LMOD3: variants seen among roughly 807,000 people sequenced by gnomAD.
LMOD3 encodes the protein leiomodin 3.
LMOD3 carries 31 observed loss-of-function variants against 41.8 expected under a neutral mutation model. The ratio of observed to expected loss-of-function variants is 0.74; its 90% CI spans 0.56 to 1.00. LMOD3 has a LOEUF of 1.00. Among genes scored for constraint, LMOD3 ranks in the 50% least tolerant of loss-of-function variants. LMOD3 has a pLI of 0.00. For synonymous variants in LMOD3, 292 were observed against 241.9 expected (o/e 1.21, Z -1.92); for missense variants, 755 against 679.5 (o/e 1.11, Z -1.23).
intron 1 of LMOD3, 97 bp from the exon 2 acceptor site, chr3:69,120,157 G>C (rs942044213): frequency 7.5e-7 from 1 of 1,338,648 alleles, no homozygotes; most frequent in Admixed American, 3.0e-5. Flanking sequence ...TTATTTAAAA[G>C]AGCTGGTTGC....
intron 2 of LMOD3, among the ~76,000 whole-genome samples, chr3:69,114,659 C>A (rs960658741): frequency 6.6e-6 from 1 of 152,000 alleles, no homozygotes; most frequent in Non-Finnish European, 1.5e-5. Flanking sequence ...AGGCGAGCAC[C>A]ACCACACCCG....
In LMOD3 at chr3:69,119,312, T is replaced by C. The variant is rs1016749519; in HGVS notation, c.1043A>G (p.Gln348Arg). Residue 348 changes from glutamine (Q) to arginine (R), a missense_variant, in exon 2 of 3, where the codon CAG becomes CGG. Coordinates refer to ENST00000420581, the MANE Select transcript of LMOD3 (RefSeq NM_198271.5). ...AGCATGGTGACCCAACATGTGCCTC[T>C]GATTGTGAAACCGAAGCTCAGTTAG... ...ETLTELRFHN[Q>R]RHMLGHHAEM... is the part of the protein sequence containing the mutation. The C allele has an allele frequency of 6.2e-7, 1 of 1,613,986 alleles. No homozygotes were observed. Among genetic ancestry groups the C allele is most frequent in the Non-Finnish European group, 8.5e-7 (1 of 1,179,888 alleles).
At position 69,121,214 on chromosome 3, in the gene LMOD3, T is replaced by C. The variant is rs77137852; in HGVS notation, c.294+879A>G. ...TCTCCAGTTGTAAAAAATCTGCAAATTGTACCTTGAACTCTAACCTGATCA... is the reference window on the plus strand; with the variant it reads ...TCTCCAGTTGTAAAAAATCTGCAAACTGTACCTTGAACTCTAACCTGATCA... On this transcript the variant is annotated intron_variant, in intron 1 of 2. Coordinates refer to ENST00000420581, the MANE Select transcript of LMOD3 (RefSeq NM_198271.5). Among the ~76,000 whole-genome samples the C allele has an allele frequency of 7.7e-4, 118 of 152,324 alleles. No homozygotes were observed. In the East Asian group the frequency reaches 0.019, roughly 25 times the overall value.
At chr3:69,117,379 A>C (rs2092379566) in intron 2 of LMOD3, among the ~76,000 whole-genome samples, 1 of 152,258 alleles carries the variant, frequency 6.6e-6, no homozygotes, top group East Asian at 1.9e-4. Context: ...AGCATGCATA[A>C]AAATTCAACA....
chr3:69,116,590 C>A (rs2092374509), intron 2 of LMOD3, among the ~76,000 whole-genome samples: 1 of 152,072 alleles, frequency 6.6e-6, no homozygotes, highest in African/African-American at 2.4e-5. Flanking sequence ...CAATTATCAT[C>A]ATGAATTTAT....
intron 1 of LMOD3, among the ~76,000 whole-genome samples, chr3:69,120,332 C>T (rs1424895970): frequency 1.3e-5 from 2 of 152,004 alleles, no homozygotes; most frequent in Non-Finnish European, 2.9e-5. Flanking sequence ...TTGAAAACCT[C>T]ATAGAATTGT....
intron 2 of LMOD3, among the ~76,000 whole-genome samples, chr3:69,111,909 C>A (rs1282302322): frequency 6.6e-6 from 1 of 152,186 alleles, no homozygotes; most frequent in Non-Finnish European, 1.5e-5. Context: ...AATGAAATAG[C>A]CTTCTTGCTT....
At chr3:69,117,784 C>T (rs2092382424) in intron 2 of LMOD3, among the ~76,000 whole-genome samples, 1 of 151,154 alleles carries the variant, frequency 6.6e-6, no homozygotes, top group South Asian at 2.1e-4. Flanking sequence ...TGTTTCTATG[C>T]ATTTTGGAAG....
intron 1 of LMOD3, among the ~76,000 whole-genome samples, chr3:69,120,651 A>G (rs1391238044): frequency 6.6e-6 from 1 of 151,122 alleles, no homozygotes; most frequent in East Asian, 1.9e-4. Flanking sequence ...ATATATATAC[A>G]TATATATATT....
chr3:69,114,388 T>C (rs748018113), intron 2 of LMOD3, among the ~76,000 whole-genome samples: 56 of 152,182 alleles, frequency 3.7e-4, no homozygotes, highest in Non-Finnish European at 6.5e-4. Flanking sequence ...ATTGAATGGG[T>C]AATTTCTCAG....
chr3:69,110,182 C>T (rs138964795), intron 2 of LMOD3, among the ~76,000 whole-genome samples: 72 of 151,994 alleles, frequency 4.7e-4, no homozygotes, highest in East Asian at 3.1e-3. Context: ...GCCAGGAGTT[C>T]GAGACCAGCT....
chr3:69,119,316 T>G lies in LMOD3; in HGVS notation c.1039A>C (p.Asn347His). ...NETLTELRFH[N>H]QRHMLGHHAE... ...TGGTGACCCAACATGTGCCTCTGAT[T>G]GTGAAACCGAAGCTCAGTTAGCGTC... Residue 347 changes from asparagine (N) to histidine (H), a missense_variant, in exon 2 of 3, where the codon AAT (asparagine) becomes CAT (histidine). By Grantham distance (68) the Asn-to-His change is moderately conservative. Transcript: ENST00000420581. The G allele has an allele frequency of 6.2e-7, 1 of 1,613,986 alleles. No homozygotes were observed.
At chr3:69,120,589 G>A (rs2092402937) in intron 1 of LMOD3, among the ~76,000 whole-genome samples, 1 of 150,718 alleles carries the variant, frequency 6.6e-6, no homozygotes, top group Non-Finnish European at 1.5e-5. Flanking sequence ...AGATACGTTT[G>A]ACATTTTGGA....
rs2092325784 is a variant in LMOD3 at position 69,107,046 on chromosome 3, T to C, written c.*2049A>G. 6.6e-6 allele frequency: 1 copy of C among 151,896 alleles called. No individual in the cohort carries two copies. The highest frequency in any genetic ancestry group is 2.4e-5 in the African/African-American group (1 of 41,348). The allele number at this position is 151,896 out of a possible 1,614,324, so 9.4% of individuals were successfully genotyped here. A position where few individuals can be genotyped will look rare whatever the true frequency, so the allele number is the denominator to read the frequency against. ...CTAATTTACATTAAGCTTTTAATTA[T>C]GTTTAAAGTGCTTTTCCTATCAGAG... On this transcript the variant is annotated 3_prime_UTR_variant, in exon 3 of 3. Transcript: ENST00000420581.
chr3:69,115,946 G>C (rs2092370414), intron 2 of LMOD3, among the ~76,000 whole-genome samples: 1 of 152,090 alleles, frequency 6.6e-6, no homozygotes, highest in African/African-American at 2.4e-5. Flanking sequence ...CATGTGCCCT[G>C]TTGATACTAC....
intron 2 of LMOD3, among the ~76,000 whole-genome samples, chr3:69,115,900 T>C (rs1265026012): frequency 2.6e-5 from 4 of 152,196 alleles, no homozygotes; most frequent in African/African-American, 9.7e-5. Flanking sequence ...TGTGAACACA[T>C]CATAGCTACT....
In LMOD3 at chr3:69,107,944, A is replaced by G. The variant is rs1450901416; in HGVS notation, c.*1151T>C. 6.6e-6 allele frequency: 1 copy of G among 152,194 alleles called. No homozygotes were observed. The highest frequency in any genetic ancestry group is 2.4e-5 in the African/African-American group (1 of 41,432). The allele number at this position is 152,194 out of a possible 1,614,324, so 9.4% of individuals were successfully genotyped here. A position where few individuals can be genotyped will look rare whatever the true frequency, so the allele number is the denominator to read the frequency against. On this transcript the variant is annotated 3_prime_UTR_variant, in exon 3 of 3. Coordinates refer to ENST00000420581, the MANE Select transcript of LMOD3 (RefSeq NM_198271.5). ...TTTTTTATGGAGGACACAGGATCTGACCCGGGAGTTGAAGACTGGGTAGGA... is the reference window on the plus strand; with the variant it reads ...TTTTTTATGGAGGACACAGGATCTGGCCCGGGAGTTGAAGACTGGGTAGGA...
intron 2 of LMOD3, among the ~76,000 whole-genome samples, chr3:69,116,839 A>C (rs1262764464): frequency 6.6e-6 from 1 of 152,224 alleles, no homozygotes. Flanking sequence ...TGCTCAGCAG[A>C]GCACTCAGAA....
At position 69,122,430 on chromosome 3, in the gene LMOD3, A is replaced by G. The variant is rs1193670981; in HGVS notation, c.-44T>C. ...TTTTACTAGAAAAGAAGAATAATCA[A>G]AGATGATTTTTAAAAAGAAGGAAAA... On this transcript the variant is annotated 5_prime_UTR_variant, in exon 1 of 3. Transcript: ENST00000420581. 6.5e-6 allele frequency: 9 copies of G among 1,383,194 alleles called. No individual in the cohort carries two copies. The highest frequency in any genetic ancestry group is 8.8e-6 in the Non-Finnish European group (9 of 1,024,918). 85.7% of individuals were successfully genotyped at this position (1,383,194 alleles called of 1,614,324 possible). A position where few individuals can be genotyped will look rare whatever the true frequency, so the allele number is the denominator to read the frequency against.
Sources: gnomAD v4.1 joint callset for allele counts (sites outside exome capture counted in the v4.1 genomes callset) on GRCh38, gnomAD v4.1.1 for gene constraint, MANE v1.5 for transcripts, NCBI Gene and HGNC (gene_info 2026-07-23, HGNC 2026-07-21) for gene names.